The following IGSF22 variants were observed in gnomAD, a reference collection of about 807,000 sequenced individuals.
The protein encoded by IGSF22 is immunoglobulin superfamily member 22.
IGSF22 carries 119 observed loss-of-function variants against 127.0 expected under a neutral mutation model. The observed-to-expected ratio is 0.94, with a 90% CI of 0.81 to 1.09. The LOEUF (loss-of-function observed/expected upper bound fraction) is 1.09. Ranked by LOEUF, IGSF22 falls within the 50% of genes least tolerant of loss-of-function variation. IGSF22 has a pLI of 0.00. For missense variants in IGSF22, 1,518 were observed against 1,716.6 expected, an observed-to-expected ratio of 0.88 and a Z score of 2.04; for synonymous variants, 568 against 664.7, an observed-to-expected ratio of 0.85 and a Z score of 2.24.
At position 18,717,917 on chromosome 11, in the gene IGSF22, GC is replaced by G; in HGVS notation, c.973+13del. The G allele has an allele frequency of 6.2e-7, 1 of 1,609,374 alleles. No homozygotes were observed. Among genetic ancestry groups the G allele is most frequent in the Non-Finnish European group, 8.5e-7 (1 of 1,176,654 alleles). On this transcript the variant is annotated intron_variant, in intron 9 of 22. Transcript: ENST00000513874. ...ACATGTCCTCCTTGTGCCCTTGCAT[GC>G]CCCCACTCATACCCAGCACTGTGAG...
chr11:18,719,586 G>C, intron 7 of IGSF22, 130 bp downstream of exon 7: 1 of 848,134 alleles, frequency 1.2e-6, no homozygotes, highest in Non-Finnish European at 1.8e-6. Context: ...TTTCACAGTG[G>C]AGAGTACGCC....
At chr11:18,715,990 C>T (rs1482704877) in intron 10 of IGSF22, among the ~76,000 whole-genome samples, 1 of 152,176 alleles carries the variant, frequency 6.6e-6, no homozygotes, top group Non-Finnish European at 1.5e-5. Flanking sequence ...TTTTACAGTG[C>T]TCAATATCTC....
Position 18,710,312 on chromosome 11 carries a change from C to G in IGSF22, c.2701+15G>C. The G allele has an allele frequency of 3.1e-6, 5 of 1,611,962 alleles. No homozygotes were observed. Among genetic ancestry groups the G allele is most frequent in the Non-Finnish European group, 4.2e-6 (5 of 1,178,184 alleles). ...AATTCCATTATGTGTCAGGACCTGG[C>G]AGCCGCATACTCACTAACAGGATCC... On this transcript the variant is annotated intron_variant, in intron 17 of 22. Transcript: ENST00000513874.
chr11:18,721,395 G>A, intron 4 of IGSF22, 140 bp downstream of exon 4: 1 of 1,142,956 alleles, frequency 8.7e-7, no homozygotes, highest in Non-Finnish European at 1.3e-6. Flanking sequence ...CGCGCCTCTC[G>A]GGCAATGACA....
chr11:18,722,669 C>T (rs1218932491), intron 2 of IGSF22, among the ~76,000 whole-genome samples: 1 of 152,182 alleles, frequency 6.6e-6, no homozygotes, highest in Non-Finnish European at 1.5e-5. Flanking sequence ...ATCTTCTTGG[C>T]TGGTGAGTTA....
In IGSF22 at chr11:18,716,720, C is replaced by T. The variant is rs745781696; in HGVS notation, c.1246+8G>A. On this transcript the variant is annotated splice_region_variant and intron_variant, in intron 10 of 22. Transcript: ENST00000513874. The surrounding 1 kb of genome is among the most constrained non-coding windows in gnomAD (Gnocchi z 4.5). ...GCCCACCCCTTAGGCTCTTGCCCAA[C>T]CACTCACGGTCAACAGTGAGCTGGG... The T allele has an allele frequency of 5.0e-6, 8 of 1,611,696 alleles. No homozygotes were observed. Among genetic ancestry groups the T allele is most frequent in the Non-Finnish European group, 6.8e-6 (8 of 1,177,860 alleles).
At chr11:18,720,537 G>A (rs1251305474) in intron 4 of IGSF22, among the ~76,000 whole-genome samples, 1 of 152,220 alleles carries the variant, frequency 6.6e-6, no homozygotes, top group African/African-American at 2.4e-5. Context: ...CCCCTTGGCT[G>A]TGAGCTCCCA....
At chr11:18,724,047 A>G in intron 2 of IGSF22, 81 bp downstream of exon 2, 1 of 1,175,384 alleles carries the variant, frequency 8.5e-7, no homozygotes, top group Non-Finnish European at 1.3e-6. Flanking sequence ...ATTAGTGGCA[A>G]AACTGGGGCC....
chr11:18,713,964 GTCTTCCCCGCGC>G lies in IGSF22; in HGVS notation c.1971_1982del (p.Glu657_Glu660del). 6.2e-7 allele frequency: 1 copy of G among 1,614,280 alleles called. No individual in the cohort carries two copies. The highest frequency in any genetic ancestry group is 1.1e-5 in the South Asian group (1 of 91,088). ...AGTTGGAGATGGTGAGCAGTGCCTG[GTCTTCCCCGCGC>G]TCCATGGACACGCGTTCCTCCTCCG... On this transcript the variant is annotated inframe_deletion, in exon 14 of 23. Transcript: ENST00000513874.
chr11:18,724,028 G>A, intron 2 of IGSF22, 100 bp downstream of exon 2: 1 of 844,380 alleles, frequency 1.2e-6, no homozygotes, highest in Non-Finnish European at 2.0e-6. Context: ...GTGGGCTCCA[G>A]AGGGGCCCAT....
At chr11:18,725,296 T>G (rs999354866) in intron 1 of IGSF22, among the ~76,000 whole-genome samples, 1 of 151,970 alleles carries the variant, frequency 6.6e-6, no homozygotes, top group Non-Finnish European at 1.5e-5. Flanking sequence ...CCCAGCTAAT[T>G]TTTGTGTTTT....
At position 18,722,025 on chromosome 11, in the gene IGSF22, C is replaced by A. The variant is rs560107300; in HGVS notation, c.126G>T (p.Arg42Ser). Residue 42 changes from arginine (R) to serine (S), a missense_variant, in exon 3 of 23, where the codon AGG (arginine) becomes AGT (serine). Physicochemically the swap from Arg to Ser is moderately radical, Grantham distance 110. Transcript: ENST00000513874. ...TKIVGEEVVRRKSSSIVEFFS... is the reference protein window; with the variant it reads ...TKIVGEEVVRSKSSSIVEFFS... ...AGAACTCCACTATGCTCGAGGACTT[C>A]CTCCTCACGACCTCCTCTGTGGGGG... 1 of 1,614,038 alleles carries A rather than the reference C, an allele frequency of 6.2e-7. No individual in the cohort carries two copies. The highest frequency in any genetic ancestry group is 1.7e-5 in the Admixed American group (1 of 60,028).
intron 1 of IGSF22, among the ~76,000 whole-genome samples, 163 bp from the exon 2 acceptor site, chr11:18,724,432 G>A (rs1040619950): frequency 6.6e-6 from 1 of 152,194 alleles, no homozygotes; most frequent in Admixed American, 6.5e-5. Flanking sequence ...CCTTTTCCTG[G>A]TTAGTTACCA....
Position 18,708,115 on chromosome 11 carries a change from G to A in IGSF22, c.3087+92C>T. 2.7e-6 allele frequency: 4 copies of A among 1,472,754 alleles called. No homozygotes were observed. The South Asian group carries it at 4.9e-5, about 18-fold the overall frequency. The allele number at this position is 1,472,754 out of a possible 1,614,324, so 91.2% of individuals were successfully genotyped here. A position where few individuals can be genotyped will look rare whatever the true frequency, so the allele number is the denominator to read the frequency against. On this transcript the variant is annotated intron_variant, in intron 19 of 22. Transcript: ENST00000513874. ...CGCACTAGGGGTCTGGTGAGGGGCA[G>A]AGTCAGAGTCAGAGTCAGAGACTGT...
intron 18 of IGSF22, among the ~76,000 whole-genome samples, chr11:18,708,528 C>T (rs1848291428): frequency 6.6e-6 from 1 of 152,192 alleles, no homozygotes; most frequent in South Asian, 2.1e-4. Flanking sequence ...GTTTCTATAA[C>T]CCTAACACCT....
chr11:18,711,489 C>A (rs1848355443), intron 15 of IGSF22, among the ~76,000 whole-genome samples: 1 of 152,124 alleles, frequency 6.6e-6, no homozygotes, highest in African/African-American at 2.4e-5. Context: ...CCTCTGCCTC[C>A]CAGGTTCAAG....
intron 6 of IGSF22, 73 bp from the exon 7 acceptor site, chr11:18,719,966 T>C (rs1474989431): frequency 1.9e-6 from 3 of 1,608,872 alleles, no homozygotes; most frequent in African/African-American, 1.3e-5. Context: ...CCCTACTCCA[T>C]GGATTCTTGG....
intron 2 of IGSF22, 62 bp from the exon 3 acceptor site, chr11:18,722,103 G>A: frequency 6.3e-6 from 10 of 1,598,952 alleles, no homozygotes; most frequent in Non-Finnish European, 7.7e-6. Context: ...GCGATGGGAG[G>A]ACAGAGCTTT....
At chr11:18,719,950 A>C in intron 6 of IGSF22, 57 bp from the exon 7 acceptor site, 2 of 1,610,072 alleles carry the variant, frequency 1.2e-6, no homozygotes, top group Non-Finnish European at 1.7e-6. Flanking sequence ...ACCTTGAGAA[A>C]CCCCTCCCTA....
Sources: allele counts gnomAD v4.1 joint callset (sites outside exome capture counted in the v4.1 genomes callset), GRCh38; gene constraint gnomAD v4.1.1; non-coding constraint Gnocchi (gnomAD v3.1); transcripts MANE v1.5; gene names NCBI Gene and HGNC (gene_info 2026-07-23, HGNC 2026-07-21).